STX8: variants seen among roughly 807,000 people sequenced by gnomAD.
The protein encoded by STX8 is syntaxin 8.
A neutral mutation model predicts 37.5 loss-of-function variants in STX8; 23 were observed. The observed-to-expected ratio is 0.61, with a 90% CI of 0.44 to 0.87. The LOEUF is 0.87. Among genes scored for constraint, STX8 ranks in the 40% least tolerant of loss-of-function variants. STX8 has a pLI of 0.00. For synonymous variants in STX8, 115 were observed against 99.1 expected, an observed-to-expected ratio of 1.16 and a Z score of -0.95; for missense variants, 313 against 284.7, an observed-to-expected ratio of 1.10 and a Z score of -0.71.
At chr17:9,418,578 C>T (rs1480102643) in intron 6 of STX8, among the ~76,000 whole-genome samples, 1 of 150,770 alleles carries the variant, frequency 6.6e-6, no homozygotes, top group Non-Finnish European at 1.5e-5. Context: ...CCTGTAATCC[C>T]AGCACTTTAG....
rs145344866 is a variant in STX8 at position 9,292,287 on chromosome 17, C to T, written c.644-41642G>A. ...TCCTGGAAGTCAGTGTCACGGTCTC[C>T]ACCGTGGGGCCTGTCCGTGGGGCTT... is the stretch of plus-strand genomic sequence containing the variant. On this transcript the variant is annotated intron_variant, in intron 7 of 7. Transcript: ENST00000306357. Among the ~76,000 whole-genome samples the T allele has an allele frequency of 1.6e-3, 246 of 152,370 alleles. 1 individual carries two copies. The highest frequency in any genetic ancestry group is 5.7e-3 in the African/African-American group (238 of 41,596).
At position 9,481,815 on chromosome 17, in the gene STX8, A is replaced by G. The variant is rs556322939; in HGVS notation, c.541+10014T>C. 2.6e-5 allele frequency among the ~76,000 whole-genome samples: 4 copies of G among 152,260 alleles called. No individual in the cohort carries two copies. In the East Asian group the frequency reaches 5.8e-4, roughly 22 times the overall value. On this transcript the variant is annotated intron_variant, in intron 6 of 7. Transcript: ENST00000306357. ...AGATTCTCATAGGAGGATAAACCCC[A>G]TCGTGAACTGTGCATGCGAGGGATC...
At chr17:9,565,037 A>G (rs1287238383) in intron 2 of STX8, among the ~76,000 whole-genome samples, 1 of 151,660 alleles carries the variant, frequency 6.6e-6, no homozygotes, top group African/African-American at 2.4e-5. Flanking sequence ...ACAAGAGCCC[A>G]TCTCTACTAA....
intron 7 of STX8, among the ~76,000 whole-genome samples, chr17:9,328,930 G>T (rs1402684736): frequency 6.6e-6 from 1 of 151,800 alleles, no homozygotes; most frequent in African/African-American, 2.4e-5. Context: ...GGCACCTGTA[G>T]TCCCAGCTAG....
chr17:9,393,046 A>C (rs1424512011), intron 6 of STX8, among the ~76,000 whole-genome samples: 1 of 152,242 alleles, frequency 6.6e-6, no homozygotes, highest in African/African-American at 2.4e-5. Flanking sequence ...TCCAGGCCAC[A>C]ACACATCATA....
At position 9,290,621 on chromosome 17, in the gene STX8, G is replaced by A. The variant is rs564348308; in HGVS notation, c.644-39976C>T. Among the ~76,000 whole-genome samples, 7 of 152,326 alleles carry A rather than the reference G, an allele frequency of 4.6e-5. 1 individual carries two copies. The highest frequency in any genetic ancestry group is 2.1e-4 in the South Asian group (1 of 4,824). On this transcript the variant is annotated intron_variant, in intron 7 of 7. Coordinates refer to ENST00000306357, the MANE Select transcript of STX8 (RefSeq NM_004853.3). ...AAATCACATCTTGCTACAGTATAGC[G>A]AGGGAAGGAGGGGCCTCTGTGGTAC...
chr17:9,398,099 A>G (rs888882180), intron 6 of STX8, among the ~76,000 whole-genome samples: 3 of 152,186 alleles, frequency 2.0e-5, no homozygotes, highest in African/African-American at 7.2e-5. Context: ...GTCAAGGAAG[A>G]AAGAGTGTAA....
chr17:9,524,699 A>C (rs1905490375), intron 4 of STX8, among the ~76,000 whole-genome samples: 1 of 152,212 alleles, frequency 6.6e-6, no homozygotes, highest in Admixed American at 6.5e-5. Flanking sequence ...ATTTGCTATT[A>C]TTACACCAAT....
chr17:9,468,202 C>T (rs569072003), intron 6 of STX8, among the ~76,000 whole-genome samples: 11 of 152,028 alleles, frequency 7.2e-5, no homozygotes, highest in Admixed American at 3.3e-4. Flanking sequence ...CTCTGCCTCA[C>T]GGGTTCAAGC....
chr17:9,529,247 T>TAG (rs10536811), intron 4 of STX8, among the ~76,000 whole-genome samples: 1 of 150,132 alleles, frequency 6.7e-6, no homozygotes, highest in African/African-American at 2.5e-5. Context: ...ACATAGCTCT[T>TAG]AGAGAGAGAG....
intron 6 of STX8, among the ~76,000 whole-genome samples, chr17:9,482,194 A>T (rs754246385): frequency 6.6e-6 from 1 of 152,066 alleles, no homozygotes; most frequent in Non-Finnish European, 1.5e-5. Flanking sequence ...ATTTTTTTTT[A>T]ATCGTCTTAC....
intron 6 of STX8, among the ~76,000 whole-genome samples, chr17:9,406,824 C>T (rs1912818990): frequency 6.6e-6 from 1 of 151,910 alleles, no homozygotes; most frequent in Non-Finnish European, 1.5e-5. Flanking sequence ...GAAAAAGATC[C>T]ATGTATAAGT....
chr17:9,571,632 G>A (rs979866511), intron 1 of STX8, among the ~76,000 whole-genome samples: 3 of 150,484 alleles, frequency 2.0e-5, no homozygotes, highest in African/African-American at 7.3e-5. Context: ...AATCTGGGCC[G>A]GGCATAGGCG....
chr17:9,441,921 C>T (rs1186725549), intron 6 of STX8, among the ~76,000 whole-genome samples: 3 of 151,842 alleles, frequency 2.0e-5, no homozygotes, highest in Admixed American at 6.6e-5. Flanking sequence ...GTGATCCGCC[C>T]ACCTCGGCCT....
chr17:9,415,663 G>A (rs1486711520), intron 6 of STX8, among the ~76,000 whole-genome samples: 3 of 152,158 alleles, frequency 2.0e-5, no homozygotes, highest in African/African-American at 4.8e-5. Context: ...CAGCTACTCA[G>A]GAGGCTGAGG....
Position 9,571,260 on chromosome 17 carries a change from T to C in STX8, c.18-2790A>G, listed in dbSNP as rs78601863. ...TAGTTCTGAAACAAGTTGGAATCAC[T>C]GGGGAATCTTTAAAAAAATAACAAT... On this transcript the variant is annotated intron_variant, in intron 1 of 7. Coordinates refer to ENST00000306357, the MANE Select transcript of STX8 (RefSeq NM_004853.3). 1.8e-3 allele frequency among the ~76,000 whole-genome samples: 274 copies of C among 152,162 alleles called. 4 individuals carry two copies. The East Asian group carries it at 0.046, about 26-fold the overall frequency.
chr17:9,529,495 C>T (rs2142539582), intron 4 of STX8, among the ~76,000 whole-genome samples: 1 of 152,192 alleles, frequency 6.6e-6, no homozygotes, highest in South Asian at 2.1e-4. Flanking sequence ...AAAGTGAATA[C>T]CCACAGTTAA....
intron 4 of STX8, among the ~76,000 whole-genome samples, chr17:9,535,122 A>T (rs1203943862): frequency 1.3e-5 from 2 of 152,206 alleles, no homozygotes; most frequent in Admixed American, 1.3e-4. Context: ...TTTAACAGTT[A>T]TAAAACCACA....
At chr17:9,437,348 T>C (rs1167695734) in intron 6 of STX8, among the ~76,000 whole-genome samples, 1 of 152,208 alleles carries the variant, frequency 6.6e-6, no homozygotes, top group Non-Finnish European at 1.5e-5. Context: ...TCGTCAGGGC[T>C]ACAATGACTT....
Sources: allele counts gnomAD v4.1 joint callset (sites outside exome capture counted in the v4.1 genomes callset), GRCh38; gene constraint gnomAD v4.1.1; transcripts MANE v1.5; gene names NCBI Gene and HGNC (gene_info 2026-07-23, HGNC 2026-07-21).